Variants in ATP8A2 observed in about 807,000 individuals in gnomAD.
ATP8A2 encodes the protein phospholipid-transporting ATPase IB.
In ATP8A2, 100 loss-of-function variants were observed where a neutral mutation model predicts 165.6. The ratio of observed to expected loss-of-function variants is 0.60; its 90% CI spans 0.51 to 0.71. The LOEUF is 0.71. Ranked by LOEUF, ATP8A2 falls within the 30% of genes least tolerant of loss-of-function variation. The pLI is 0.00. For missense variants in ATP8A2, 1,227 were observed against 1,479.5 expected, an observed-to-expected ratio of 0.83 and a Z score of 2.80; for synonymous variants, 543 against 548.8, an observed-to-expected ratio of 0.99 and a Z score of 0.15.
chr13:25,667,495 C>T lies in ATP8A2; in HGVS notation c.2212-31678C>T, dbSNP rs866033002. Among the ~76,000 whole-genome samples, 7 of 152,136 alleles carry T rather than the reference C, an allele frequency of 4.6e-5. No homozygotes were observed. The South Asian group carries it at 6.2e-4, about 13-fold the overall frequency. On this transcript the variant is annotated intron_variant, in intron 24 of 36. Coordinates refer to ENST00000381655, the MANE Select transcript of ATP8A2 (RefSeq NM_016529.6). ...CTCCCTTAAGACATCCTTTGCATTTCCCTCTTTTTGCACATATCTGTTTCC... is the reference window on the plus strand; with the variant it reads ...CTCCCTTAAGACATCCTTTGCATTTTCCTCTTTTTGCACATATCTGTTTCC...
chr13:25,900,576 A>T (rs1003475518), intron 33 of ATP8A2, among the ~76,000 whole-genome samples: 1 of 152,132 alleles, frequency 6.6e-6, no homozygotes, highest in Non-Finnish European at 1.5e-5. Flanking sequence ...CTTACTCCTT[A>T]GAAAGAGTTT....
At chr13:25,893,296 C>T (rs1195848966) in intron 33 of ATP8A2, among the ~76,000 whole-genome samples, 68 of 129,700 alleles carry the variant, frequency 5.2e-4, no homozygotes, top group African/African-American at 9.9e-4. Flanking sequence ...TGAGAACATG[C>T]GGTGTTTGGT....
chr13:25,378,529 T>A (rs925282146), intron 1 of ATP8A2, among the ~76,000 whole-genome samples: 2 of 152,226 alleles, frequency 1.3e-5, no homozygotes, highest in Admixed American at 6.5e-5. Context: ...TACCCCTTTC[T>A]TGTCACAGAG....
chr13:25,668,206 C>T (rs1441716802), intron 24 of ATP8A2, among the ~76,000 whole-genome samples: 1 of 152,162 alleles, frequency 6.6e-6, no homozygotes, highest in African/African-American at 2.4e-5. Flanking sequence ...TTCTCTTTAG[C>T]ATGTCTTATA....
intron 13 of ATP8A2, among the ~76,000 whole-genome samples, chr13:25,555,654 C>T (rs1007358721): frequency 2.0e-5 from 3 of 151,732 alleles, no homozygotes; most frequent in Admixed American, 6.6e-5. Flanking sequence ...ATTTTAGATT[C>T]GGGGGTAAAT....
chr13:25,977,500 G>C lies in ATP8A2; in HGVS notation c.3377+8821G>C, dbSNP rs141904372. Among the ~76,000 whole-genome samples the C allele has an allele frequency of 3.7e-3, 564 of 152,336 alleles. 3 individuals are homozygous for C. The highest frequency in any genetic ancestry group is 0.013 in the African/African-American group (540 of 41,572). On this transcript the variant is annotated intron_variant, in intron 35 of 36. Coordinates refer to ENST00000381655, the MANE Select transcript of ATP8A2 (RefSeq NM_016529.6). ...CTGTTTGCATCCTGGGCACAGGAAG[G>C]AGAGGAGGAGGAAAATAAACTCTTC...
chr13:25,791,936 C>T (rs2045190596), intron 27 of ATP8A2, among the ~76,000 whole-genome samples: 1 of 152,024 alleles, frequency 6.6e-6, no homozygotes, highest in African/African-American at 2.4e-5. Context: ...AGAAACCTAC[C>T]CTAAAAGCTA....
chr13:25,571,238 A>G (rs373580242), intron 17 of ATP8A2, among the ~76,000 whole-genome samples: 6 of 152,066 alleles, frequency 3.9e-5, no homozygotes, highest in East Asian at 1.9e-4. Flanking sequence ...CTCTCTACCC[A>G]CTTCCTGAGG....
chr13:25,678,056 C>T (rs2042407472), intron 24 of ATP8A2, among the ~76,000 whole-genome samples: 1 of 152,132 alleles, frequency 6.6e-6, no homozygotes, highest in Non-Finnish European at 1.5e-5. Flanking sequence ...CAGAACATGA[C>T]TCATGATAGC....
rs566802474 is a variant in ATP8A2 at position 25,513,693 on chromosome 13, GT to G, written c.222-16305del. Among the ~76,000 whole-genome samples the G allele has an allele frequency of 9.5e-3, 1,452 of 152,284 alleles. 27 individuals carry two copies. Among genetic ancestry groups the G allele is most frequent in the African/African-American group, 0.033 (1,386 of 41,572 alleles). On this transcript the variant is annotated intron_variant, in intron 2 of 36. Transcript: ENST00000381655. ...TTGAGCACTGAGTGAACCAGACTCC[GT>G]CTGCAATCCCGGCACCTCGGGAGGC...
At chr13:25,644,533 T>A (rs186787774) in intron 24 of ATP8A2, among the ~76,000 whole-genome samples, 411 of 150,152 alleles carry the variant, frequency 2.7e-3, no homozygotes, top group African/African-American at 9.8e-3. Flanking sequence ...TTTTTTGTGA[T>A]GTCCATGTTT....
At chr13:25,528,019 G>A (rs1297727819) in intron 2 of ATP8A2, among the ~76,000 whole-genome samples, 1 of 152,310 alleles carries the variant, frequency 6.6e-6, no homozygotes, top group Non-Finnish European at 1.5e-5. Context: ...TTGCTGTAGA[G>A]GTATGCATGA....
chr13:25,596,741 A>G (rs1195376011), intron 24 of ATP8A2, among the ~76,000 whole-genome samples: 1 of 152,154 alleles, frequency 6.6e-6, no homozygotes, highest in Non-Finnish European at 1.5e-5. Context: ...GTTCTGTGCA[A>G]GTTTTGGTGA....
rs544195298 is a variant in ATP8A2, at chr13:25,497,854, C to T, written c.221+28733C>T. Reference sequence around the variant, plus strand: ...GCAGGCACCTGTAGTCCCAGCTACTCGGGGGGCTGAGGCAGGAGAATGGCA... The same window carrying T: ...GCAGGCACCTGTAGTCCCAGCTACTTGGGGGGCTGAGGCAGGAGAATGGCA... On this transcript the variant is annotated intron_variant, in intron 2 of 36. Coordinates refer to ENST00000381655, the MANE Select transcript of ATP8A2 (RefSeq NM_016529.6). Among the ~76,000 whole-genome samples, 27 of 151,942 alleles carry T rather than the reference C, an allele frequency of 1.8e-4. No homozygotes were observed. The East Asian group carries it at 2.9e-3, about 16-fold the overall frequency.
chr13:25,980,884 A>G (rs1372099171), intron 35 of ATP8A2, among the ~76,000 whole-genome samples: 1 of 152,182 alleles, frequency 6.6e-6, no homozygotes, highest in Admixed American at 6.5e-5. Context: ...CCTGGTTTCT[A>G]AAAATAAAGA....
intron 33 of ATP8A2, among the ~76,000 whole-genome samples, chr13:25,954,666 C>T (rs1955476462): frequency 6.6e-6 from 1 of 152,222 alleles, no homozygotes; most frequent in Admixed American, 6.5e-5. Flanking sequence ...GAGGAAGGAA[C>T]AGGCAGCAAT....
intron 27 of ATP8A2, among the ~76,000 whole-genome samples, chr13:25,822,750 A>T (rs1205404016): frequency 6.6e-6 from 1 of 152,216 alleles, no homozygotes; most frequent in African/African-American, 2.4e-5. Context: ...TATAGAAATT[A>T]GTTTCAAATT....
chr13:25,554,976 TTC>T lies in ATP8A2; in HGVS notation c.1186-4_1186-3del, dbSNP rs765394508. ...ATATTTTCTGAAATCCTGTCTCTTG[TTC>T]TCTCTCTCTCAGGACACAGATATGT... On this transcript the variant is annotated splice_polypyrimidine_tract_variant and intron_variant, in intron 12 of 36. Transcript: ENST00000381655. The T allele has an allele frequency of 1.0e-4, 153 of 1,528,506 alleles. No individual in the cohort carries two copies. The highest frequency in any genetic ancestry group is 2.3e-4 in the South Asian group (20 of 86,616). The allele number at this position is 1,528,506 out of a possible 1,614,324, so 94.7% of individuals were successfully genotyped here.
At chr13:25,677,303 G>A (rs1205947809) in intron 24 of ATP8A2, among the ~76,000 whole-genome samples, 1 of 152,198 alleles carries the variant, frequency 6.6e-6, no homozygotes, top group East Asian at 1.9e-4. Flanking sequence ...AACATTTCGA[G>A]CATCATAGAA....
Sources: gnomAD v4.1 joint callset for allele counts (sites outside exome capture counted in the v4.1 genomes callset) on GRCh38, gnomAD v4.1.1 for gene constraint, MANE v1.5 for transcripts, NCBI Gene and HGNC (gene_info 2026-07-23, HGNC 2026-07-21) for gene names.